Variants in HDAC9 observed in about 807,000 individuals in gnomAD.
HDAC9 encodes the protein MEF-2 interacting transcription repressor (MITR) protein.
HDAC9 carries 41 observed loss-of-function variants against 139.4 expected under a neutral mutation model. The ratio of observed to expected loss-of-function variants is 0.29; its 90% CI spans 0.23 to 0.38. HDAC9 has a LOEUF of 0.38. Among genes scored for constraint, HDAC9 ranks in the 10% least tolerant of loss-of-function variants. The pLI is 1.00. For missense variants in HDAC9, 1,147 were observed against 1,297.0 expected (o/e 0.88, Z 1.78); for synonymous variants, 517 against 476.2 (o/e 1.09, Z -1.12).
intron 22 of HDAC9, among the ~76,000 whole-genome samples, chr7:18,883,795 G>C (rs578079861): frequency 2.6e-5 from 4 of 151,748 alleles, no homozygotes; most frequent in South Asian, 4.2e-4. Context: ...AATCCAAAAG[G>C]TTCCAGCAAA....
At chr7:18,481,428 C>G (rs918625732) in intron 1 of HDAC9, among the ~76,000 whole-genome samples, 1 of 152,078 alleles carries the variant, frequency 6.6e-6, no homozygotes, top group African/African-American at 2.4e-5. Flanking sequence ...AATAATGGAC[C>G]TTACTTACTT....
chr7:18,869,145 GGGGTGTGT>G (rs1244594999), intron 21 of HDAC9, among the ~76,000 whole-genome samples: 1 of 125,642 alleles, frequency 8.0e-6, no homozygotes, highest in Admixed American at 8.2e-5. Context: ...ACTCACAATT[GGGGTGTGT>G]GTGTGTGTGT....
At chr7:18,844,279 G>C (rs1796772104) in intron 21 of HDAC9, among the ~76,000 whole-genome samples, 1 of 152,098 alleles carries the variant, frequency 6.6e-6, no homozygotes, top group African/African-American at 2.4e-5. Flanking sequence ...TAGGGAGGGT[G>C]GTGAGCTTAT....
chr7:18,812,042 A>T (rs573296687), intron 17 of HDAC9, among the ~76,000 whole-genome samples: 2 of 152,030 alleles, frequency 1.3e-5, no homozygotes, highest in South Asian at 2.1e-4. Flanking sequence ...ATTATTTATC[A>T]TACTTAATAT....
At chr7:18,611,427 G>A (rs1027615259) in intron 6 of HDAC9, among the ~76,000 whole-genome samples, 2 of 152,098 alleles carry the variant, frequency 1.3e-5, no homozygotes, top group Admixed American at 1.3e-4. Context: ...TCCATTTTAG[G>A]CATCTTACCT....
intron 1 of HDAC9, among the ~76,000 whole-genome samples, chr7:18,340,355 C>A (rs1781910671): frequency 6.6e-6 from 1 of 151,570 alleles, no homozygotes; most frequent in East Asian, 1.9e-4. Flanking sequence ...AGACCATATA[C>A]CTTTAGTGTG....
intron 1 of HDAC9, among the ~76,000 whole-genome samples, chr7:18,299,072 T>C (rs1027969145): frequency 6.6e-6 from 1 of 152,298 alleles, no homozygotes; most frequent in Non-Finnish European, 1.5e-5. Context: ...CAGTTTATTG[T>C]TGAAAAATGA....
In HDAC9 at chr7:18,130,031, C is replaced by T. The variant is rs139137021; in HGVS notation, c.-96-32198C>T. On this transcript the variant is annotated intron_variant, in intron 1 of 12. Transcript: ENST00000417496. ...ACCAAACCAAACCAAAACAACACAA[C>T]GGATGAAGAGTGGATCAGACATGTT... Among the ~76,000 whole-genome samples the T allele has an allele frequency of 8.7e-4, 132 of 152,206 alleles. No homozygotes were observed. In the Middle Eastern group the frequency reaches 0.014, roughly 16 times the overall value.
intron 17 of HDAC9, among the ~76,000 whole-genome samples, chr7:18,795,084 C>G (rs1792665092): frequency 6.6e-6 from 1 of 151,892 alleles, no homozygotes; most frequent in East Asian, 1.9e-4. Flanking sequence ...TAGAAGTTAT[C>G]CATTTAAAAT....
At chr7:18,812,860 C>A (rs1794285570) in intron 17 of HDAC9, among the ~76,000 whole-genome samples, 1 of 151,960 alleles carries the variant, frequency 6.6e-6, no homozygotes, top group Admixed American at 6.6e-5. Context: ...TTCTTCTTTG[C>A]ACTTTTGTTT....
At chr7:18,614,296 G>C (rs60242375) in intron 6 of HDAC9, among the ~76,000 whole-genome samples, 1 of 151,966 alleles carries the variant, frequency 6.6e-6, no homozygotes. Flanking sequence ...CCTCCAATCC[G>C]CCACACCGCA....
At chr7:18,666,684 T>C (rs1794978745) in intron 12 of HDAC9, 5 of 1,308,400 alleles carry the variant, frequency 3.8e-6, no homozygotes, top group Non-Finnish European at 4.9e-6. Flanking sequence ...TATATAGATA[T>C]CAATGTTTCA....
At chr7:18,738,432 G>A (rs1289990516) in intron 13 of HDAC9, among the ~76,000 whole-genome samples, 2 of 152,154 alleles carry the variant, frequency 1.3e-5, no homozygotes, top group African/African-American at 4.8e-5. Context: ...GCTTCCTTCA[G>A]GAGCTCTTGT....
At chr7:18,702,369 G>C (rs911630143) in intron 12 of HDAC9, among the ~76,000 whole-genome samples, 1 of 152,208 alleles carries the variant, frequency 6.6e-6, no homozygotes, top group African/African-American at 2.4e-5. Flanking sequence ...TGGATTTATG[G>C]ACGCACTGGT....
intron 25 of HDAC9, among the ~76,000 whole-genome samples, chr7:18,982,007 C>T (rs757466041): frequency 3.3e-5 from 5 of 151,832 alleles, no homozygotes; most frequent in Non-Finnish European, 7.4e-5. Context: ...ATCACAGAAC[C>T]AGGGAGAAGA....
intron 1 of HDAC9, among the ~76,000 whole-genome samples, chr7:18,294,216 A>G (rs1239848952): frequency 1.3e-5 from 2 of 152,116 alleles, no homozygotes; most frequent in East Asian, 3.9e-4. Context: ...TGTACTGTCT[A>G]CATTGGGAGA....
At chr7:18,691,453 A>G (rs898383363) in intron 12 of HDAC9, among the ~76,000 whole-genome samples, 3 of 151,952 alleles carry the variant, frequency 2.0e-5, no homozygotes, top group African/African-American at 7.2e-5. Context: ...GTATAAAACT[A>G]AATTATATGT....
intron 6 of HDAC9, among the ~76,000 whole-genome samples, chr7:18,616,665 A>T (rs1347338200): frequency 6.6e-6 from 1 of 152,230 alleles, no homozygotes; most frequent in Non-Finnish European, 1.5e-5. Flanking sequence ...ATAAAATCAA[A>T]ACTTGCAAAG....
Position 18,863,667 on chromosome 7 carries a change from CAT to C in HDAC9, c.2685-10810_2685-10809del, listed in dbSNP as rs557200262. Among the ~76,000 whole-genome samples the C allele has an allele frequency of 2.5e-4, 38 of 151,968 alleles. No individual in the cohort carries two copies. The East Asian group carries it at 7.2e-3, about 29-fold the overall frequency. On this transcript the variant is annotated intron_variant, in intron 21 of 25. Transcript: ENST00000686413. ...TGGGAAGAAGCAATGAAAAAATAAA[CAT>C]TGGACATAATATATAAGTAAATCAT...
Sources: allele counts gnomAD v4.1 joint callset (sites outside exome capture counted in the v4.1 genomes callset), GRCh38; gene constraint gnomAD v4.1.1; transcripts MANE v1.5; gene names NCBI Gene and HGNC (gene_info 2026-07-23, HGNC 2026-07-21).